LARGE1: variants seen among roughly 807,000 people sequenced by gnomAD.
LARGE1 encodes xylosyl- and glucuronyltransferase LARGE1.
LARGE1 carries 43 observed loss-of-function variants against 87.6 expected under a neutral mutation model. That is an observed-to-expected ratio of 0.49 (90% CI 0.38 to 0.63). LARGE1 has a LOEUF of 0.63. Ranked by LOEUF, LARGE1 falls within the 30% of genes least tolerant of loss-of-function variation. LARGE1 has a pLI of 0.00. For synonymous variants in LARGE1, 434 were observed against 394.6 expected (o/e 1.10, Z -1.18); for missense variants, 802 against 1,000.2 (o/e 0.80, Z 2.67).
exon 12 of LARGE1, chr22:33,166,714 T>C (rs1314416623): frequency 2.1e-6 from 1 of 470,506 alleles, no homozygotes; most frequent in Non-Finnish European, 4.4e-6. Context: ...TTAGGGCTCA[T>C]GAAGAACAGT....
intron 3 of LARGE1, among the ~76,000 whole-genome samples, chr22:33,628,887 T>G (rs1171421116): frequency 6.6e-6 from 1 of 151,968 alleles, no homozygotes; most frequent in African/African-American, 2.4e-5. Context: ...CTGGCATCTG[T>G]GAGTAGAGGC....
intron 12 of LARGE1, among the ~76,000 whole-genome samples, chr22:33,301,575 G>C (rs955253784): frequency 2.0e-5 from 3 of 152,188 alleles, no homozygotes; most frequent in African/African-American, 7.2e-5. Flanking sequence ...AAGCAATAAT[G>C]GCACGATTGT....
intron 1 of LARGE1, among the ~76,000 whole-genome samples, chr22:33,819,949 C>G (rs1043913353): frequency 6.6e-6 from 1 of 152,166 alleles, no homozygotes; most frequent in Non-Finnish European, 1.5e-5. Flanking sequence ...GCCCTACCCG[C>G]AGGTAATGCC....
intron 12 of LARGE1, among the ~76,000 whole-genome samples, chr22:33,295,253 G>A (rs1386924718): frequency 1.3e-5 from 2 of 152,202 alleles, no homozygotes; most frequent in African/African-American, 2.4e-5. Context: ...AGGTGTGTGG[G>A]CATGAACCAG....
intron 4 of LARGE1, among the ~76,000 whole-genome samples, chr22:33,610,564 G>A (rs1220092436): frequency 6.6e-6 from 1 of 152,162 alleles, no homozygotes; most frequent in Admixed American, 6.5e-5. Context: ...ACTTAAAGAG[G>A]GAAGCAGGGT....
intron 1 of LARGE1, among the ~76,000 whole-genome samples, chr22:33,816,574 T>A (rs2086652464): frequency 6.6e-6 from 1 of 152,046 alleles, no homozygotes. Flanking sequence ...AGGTTAGATT[T>A]CAGCATACAA....
chr22:33,735,303 C>A (rs142049295), intron 2 of LARGE1, among the ~76,000 whole-genome samples: 1 of 152,330 alleles, frequency 6.6e-6, no homozygotes, highest in Non-Finnish European at 1.5e-5. Context: ...TAAAAACTTA[C>A]TGTTCTTTGT....
At chr22:33,484,482 TCTG>T (rs1311250767) in intron 6 of LARGE1, among the ~76,000 whole-genome samples, 1 of 152,186 alleles carries the variant, frequency 6.6e-6, no homozygotes, top group Non-Finnish European at 1.5e-5. Flanking sequence ...TCTTAGAGTT[TCTG>T]CATCTTAAAG....
chr22:33,346,918 A>T (rs1939830631), intron 9 of LARGE1, among the ~76,000 whole-genome samples: 1 of 152,202 alleles, frequency 6.6e-6, no homozygotes, highest in African/African-American at 2.4e-5. Flanking sequence ...CGATTTCCTA[A>T]TAAAAAGGTT....
intron 2 of LARGE1, among the ~76,000 whole-genome samples, chr22:33,653,542 A>C (rs1295539258): frequency 2.6e-5 from 4 of 152,192 alleles, no homozygotes; most frequent in Non-Finnish European, 5.9e-5. Flanking sequence ...GAGGAGTTAC[A>C]TCAGTGCTCT....
At chr22:33,510,719 G>A (rs754549640) in intron 6 of LARGE1, among the ~76,000 whole-genome samples, 21 of 152,166 alleles carry the variant, frequency 1.4e-4, no homozygotes, top group Non-Finnish European at 2.5e-4. Flanking sequence ...GTGACTACAG[G>A]TGCATGCCAC....
chr22:33,084,746 CAG>C, the LARGE1 span, among the ~76,000 whole-genome samples: 3 of 152,148 alleles, frequency 2.0e-5, no homozygotes, highest in East Asian at 3.9e-4. Context: ...TAAAAAGAAA[CAG>C]ATGAAATTAA....
intron 6 of LARGE1, among the ~76,000 whole-genome samples, chr22:33,526,085 G>A (rs973888167): frequency 7.9e-5 from 12 of 152,096 alleles, no homozygotes; most frequent in Admixed American, 2.0e-4. Flanking sequence ...TCCATAAAGC[G>A]GAGTATAATG....
the LARGE1 span, among the ~76,000 whole-genome samples, chr22:33,156,321 T>C: frequency 0.46 from 70,072 of 151,932 alleles, 16,315 homozygotes; most frequent in South Asian, 0.69. Context: ...AAGCAGCTGG[T>C]GGGGCAGAAT....
chr22:33,205,161 C>G (rs750688862), intron 11 of LARGE1, among the ~76,000 whole-genome samples: 3 of 152,198 alleles, frequency 2.0e-5, no homozygotes, highest in Non-Finnish European at 2.9e-5. Context: ...GATGCTACCC[C>G]CTTCAAGCTT....
At chr22:33,637,126 C>T (rs1419603474) in intron 3 of LARGE1, among the ~76,000 whole-genome samples, 1 of 152,102 alleles carries the variant, frequency 6.6e-6, no homozygotes, top group Non-Finnish European at 1.5e-5. Context: ...TCCCTCTGTT[C>T]CATCAAATGC....
chr22:33,890,133 C>A (rs192821329), intron 1 of LARGE1, among the ~76,000 whole-genome samples: 23 of 152,336 alleles, frequency 1.5e-4, no homozygotes, highest in African/African-American at 5.1e-4. Context: ...CCATGTGCAC[C>A]TGCCACATTC....
At chr22:33,648,644 G>T (rs779152094) in intron 3 of LARGE1, among the ~76,000 whole-genome samples, 3 of 152,290 alleles carry the variant, frequency 2.0e-5, no homozygotes, top group African/African-American at 7.2e-5. Flanking sequence ...ATTTGTTAAC[G>T]TGGCTGAATG....
intron 1 of LARGE1, among the ~76,000 whole-genome samples, chr22:33,812,570 T>C (rs1339537313): frequency 2.0e-5 from 3 of 152,212 alleles, no homozygotes; most frequent in Admixed American, 6.5e-5. Context: ...CAATCACACA[T>C]TCATCTTTGA....
Sources: gnomAD v4.1 joint callset for allele counts (sites outside exome capture counted in the v4.1 genomes callset) on GRCh38, gnomAD v4.1.1 for gene constraint, MANE v1.5 for transcripts, NCBI Gene and HGNC (gene_info 2026-07-23, HGNC 2026-07-21) for gene names.